The following ATP8A2 variants were observed in gnomAD, a reference collection of about 807,000 sequenced individuals.
ATP8A2 encodes the protein phospholipid-transporting ATPase IB.
ATP8A2 carries 100 observed loss-of-function variants against 165.6 expected under a neutral mutation model. That is an observed-to-expected ratio of 0.60 (90% CI 0.51 to 0.71). ATP8A2 has a LOEUF of 0.71. Among genes scored for constraint, ATP8A2 ranks in the 30% least tolerant of loss-of-function variants. The probability of loss-of-function intolerance (pLI) is 0.00; values close to 1 mark genes in which losing one functional copy is unlikely to be tolerated. For missense variants in ATP8A2, 1,227 were observed against 1,479.5 expected (o/e 0.83, Z 2.80); for synonymous variants, 543 against 548.8 (o/e 0.99, Z 0.15).
rs2037052817 is a variant in ATP8A2 at position 25,506,856 on chromosome 13, A to T, written c.222-23143A>T. ...CAGAGGTGTCATGTCAGTGCTCAAA[A>T]AGGTTTGGATTTTAGAGCATTTCAA... On this transcript the variant is annotated intron_variant, in intron 2 of 36. Coordinates refer to ENST00000381655, the MANE Select transcript of ATP8A2 (RefSeq NM_016529.6). 2.0e-5 allele frequency among the ~76,000 whole-genome samples: 3 copies of T among 151,568 alleles called. No homozygotes were observed. The South Asian group carries it at 6.2e-4, about 31-fold the overall frequency.
chr13:25,627,811 G>C (rs568150986), intron 24 of ATP8A2, among the ~76,000 whole-genome samples: 73 of 152,192 alleles, frequency 4.8e-4, no homozygotes, highest in Non-Finnish European at 9.3e-4. Flanking sequence ...CACTCTGGCT[G>C]GATATTAGTC....
chr13:25,931,816 G>A (rs561284484), intron 33 of ATP8A2, among the ~76,000 whole-genome samples: 1 of 152,234 alleles, frequency 6.6e-6, no homozygotes, highest in Admixed American at 6.5e-5. Flanking sequence ...GGAGGCCGAG[G>A]CGGGCGTTTC....
At chr13:25,702,714 C>T (rs2042976915) in intron 25 of ATP8A2, among the ~76,000 whole-genome samples, 1 of 152,162 alleles carries the variant, frequency 6.6e-6, no homozygotes, top group African/African-American at 2.4e-5. Context: ...TCCTTGAAAC[C>T]CAGCCCTTAG....
At chr13:26,009,462 C>G (rs1956800905) in intron 35 of ATP8A2, among the ~76,000 whole-genome samples, 1 of 152,210 alleles carries the variant, frequency 6.6e-6, no homozygotes, top group South Asian at 2.1e-4. Context: ...CCCACACATC[C>G]AGGTTCTGTT....
chr13:25,613,802 T>C (rs570318521), intron 24 of ATP8A2, among the ~76,000 whole-genome samples: 1 of 152,290 alleles, frequency 6.6e-6, no homozygotes, highest in African/African-American at 2.4e-5. Context: ...TTTGTCTACT[T>C]GTTCAATTCT....
At chr13:25,485,073 T>C (rs887104261) in intron 2 of ATP8A2, among the ~76,000 whole-genome samples, 3 of 152,246 alleles carry the variant, frequency 2.0e-5, no homozygotes, top group African/African-American at 7.2e-5. Context: ...TTAGAATTCA[T>C]TGACCATTCT....
At chr13:25,492,911 CTGTTGCTTTAG>C (rs1471904849) in intron 2 of ATP8A2, among the ~76,000 whole-genome samples, 1 of 152,208 alleles carries the variant, frequency 6.6e-6, no homozygotes, top group East Asian at 1.9e-4. Context: ...GGTCCGTTCC[CTGTTGCTTTAG>C]TGCCTGCACG....
chr13:25,714,219 T>G (rs2043210239), intron 25 of ATP8A2, among the ~76,000 whole-genome samples: 1 of 152,164 alleles, frequency 6.6e-6, no homozygotes, highest in Admixed American at 6.5e-5. Context: ...CCTAGTGGGA[T>G]GCTGCTTCTC....
At chr13:25,414,437 C>T (rs11841949) in intron 1 of ATP8A2, among the ~76,000 whole-genome samples, 1 of 152,106 alleles carries the variant, frequency 6.6e-6, no homozygotes. Context: ...GGTGATACTC[C>T]CTCCTTGGCC....
At chr13:25,689,870 GA>G (rs201411284) in intron 24 of ATP8A2, among the ~76,000 whole-genome samples, 24 of 149,036 alleles carry the variant, frequency 1.6e-4, no homozygotes, top group East Asian at 5.9e-4. Context: ...TTTCTTTTAG[GA>G]AAAAAAAACA....
At position 25,858,481 on chromosome 13, in the gene ATP8A2, C is replaced by G. The variant is rs9581469; in HGVS notation, c.2957-1714C>G. ...TAGTGCAGCCCGTGATGTTGCTTTCCTGGTTCATCTTCCCTTATCCACAGA... is the reference window on the plus strand; with the variant it reads ...TAGTGCAGCCCGTGATGTTGCTTTCGTGGTTCATCTTCCCTTATCCACAGA... On this transcript the variant is annotated intron_variant, in intron 30 of 36. Transcript: ENST00000381655. 9.8e-3 allele frequency among the ~76,000 whole-genome samples: 1,493 copies of G among 152,316 alleles called. 32 individuals carry two copies. The highest frequency in any genetic ancestry group is 0.032 in the African/African-American group (1,340 of 41,570).
At chr13:25,505,158 ACTT>A (rs2036991376) in intron 2 of ATP8A2, among the ~76,000 whole-genome samples, 1 of 125,528 alleles carries the variant, frequency 8.0e-6, no homozygotes. Flanking sequence ...TGATGATAAA[ACTT>A]CTATTAGATT....
intron 35 of ATP8A2, among the ~76,000 whole-genome samples, chr13:26,000,825 C>CA (rs1956617977): frequency 6.6e-6 from 1 of 152,030 alleles, no homozygotes; most frequent in African/African-American, 2.4e-5. Flanking sequence ...CTTGATTTGG[C>CA]ACCCAATCCA....
intron 2 of ATP8A2, among the ~76,000 whole-genome samples, chr13:25,476,108 T>C (rs1176726154): frequency 6.6e-6 from 1 of 152,136 alleles, no homozygotes; most frequent in East Asian, 1.9e-4. Flanking sequence ...AATTTGTCCA[T>C]GAATAGTGGG....
chr13:25,874,010 C>A (rs190170248), intron 33 of ATP8A2, among the ~76,000 whole-genome samples: 4 of 152,222 alleles, frequency 2.6e-5, no homozygotes, highest in African/African-American at 9.6e-5. Flanking sequence ...TCATTTCTTG[C>A]GTGGACAATT....
intron 1 of ATP8A2, among the ~76,000 whole-genome samples, chr13:25,424,768 G>A (rs563197792): frequency 6.6e-6 from 1 of 152,194 alleles, no homozygotes; most frequent in East Asian, 1.9e-4. Flanking sequence ...GACCAGCCTG[G>A]CCAACATGGT....
chr13:25,557,350 C>T (rs1434676437), intron 13 of ATP8A2, among the ~76,000 whole-genome samples: 4 of 152,068 alleles, frequency 2.6e-5, no homozygotes, highest in East Asian at 1.9e-4. Flanking sequence ...TGTCAATCCT[C>T]ATTTTTTTTT....
At chr13:25,539,922 T>G (rs2038415478) in intron 7 of ATP8A2, among the ~76,000 whole-genome samples, 1 of 152,200 alleles carries the variant, frequency 6.6e-6, no homozygotes. Context: ...AAAAAATGTG[T>G]GTTTCTACTG....
At chr13:25,554,096 G>A (rs575463688) in intron 12 of ATP8A2, among the ~76,000 whole-genome samples, 176 bp downstream of exon 12, 6 of 152,190 alleles carry the variant, frequency 3.9e-5, no homozygotes, top group Non-Finnish European at 7.3e-5. Flanking sequence ...TTTGGGGAAT[G>A]GAAGGGCAGT....
Sources: gnomAD v4.1 joint callset for allele counts (sites outside exome capture counted in the v4.1 genomes callset) on GRCh38, gnomAD v4.1.1 for gene constraint, MANE v1.5 for transcripts, NCBI Gene and HGNC (gene_info 2026-07-23, HGNC 2026-07-21) for gene names.